Variants in NEMP2 observed in about 807,000 individuals in gnomAD.
NEMP2 encodes the protein UPF0571 transmembrane protein.
NEMP2 carries 53 observed loss-of-function variants against 54.2 expected under a neutral mutation model. That is an observed-to-expected ratio of 0.98 (90% CI 0.78 to 1.23). NEMP2 has a LOEUF of 1.23. NEMP2 is among the 50% of genes most tolerant of loss of function. The pLI is 0.00. For missense variants in NEMP2, 455 were observed against 511.3 expected (o/e 0.89, Z 1.06); for synonymous variants, 197 against 190.3 (o/e 1.04, Z -0.29).
the NEMP2 span, among the ~76,000 whole-genome samples, chr2:190,486,339 G>T: frequency 6.6e-6 from 1 of 152,192 alleles, no homozygotes; most frequent in East Asian, 1.9e-4. Flanking sequence ...ATGTTTTGCT[G>T]ATCAGTACTC....
chr2:190,463,858 A>G, the NEMP2 span: 1 of 980,404 alleles, frequency 1.0e-6, no homozygotes, highest in Non-Finnish European at 1.2e-6. This position sits in a 1 kb window ranked among gnomAD's most constrained non-coding sequence, Gnocchi z 4.4. Flanking sequence ...TAAAAAGCTG[A>G]GAATGATGGA....
At chr2:190,617,353 G>A in the NEMP2 span, among the ~76,000 whole-genome samples, 1 of 151,960 alleles carries the variant, frequency 6.6e-6, no homozygotes, top group African/African-American at 2.4e-5. This position sits in a 1 kb window ranked among gnomAD's most constrained non-coding sequence, Gnocchi z 5.0. Flanking sequence ...TTCTTGAAAA[G>A]GTCTTATCTA....
the NEMP2 span, chr2:190,607,831 G>A: frequency 6.6e-6 from 1 of 152,114 alleles, no homozygotes; most frequent in Non-Finnish European, 1.5e-5. The surrounding 1 kb of genome is among the most constrained non-coding windows in gnomAD (Gnocchi z 5.2). Flanking sequence ...GTTGACTCAT[G>A]CTTCTGATAG....
At chr2:190,431,901 A>G in the NEMP2 span, among the ~76,000 whole-genome samples, 3 of 152,210 alleles carry the variant, frequency 2.0e-5, no homozygotes, top group East Asian at 5.8e-4. This position sits in a 1 kb window ranked among gnomAD's most constrained non-coding sequence, Gnocchi z 4.4. Context: ...TTCTTTAAAA[A>G]TATACATTAT....
chr2:190,559,935 G>A, the NEMP2 span, among the ~76,000 whole-genome samples: 1 of 152,184 alleles, frequency 6.6e-6, no homozygotes, highest in Non-Finnish European at 1.5e-5. The surrounding 1 kb of genome is among the most constrained non-coding windows in gnomAD (Gnocchi z 4.0). Flanking sequence ...CTAAAAGGAG[G>A]AGGTGAGTGA....
chr2:190,504,224 T>G (rs907396396), downstream of NEMP2: 1 of 152,176 alleles, frequency 6.6e-6, no homozygotes, highest in African/African-American at 2.4e-5. The surrounding 1 kb of genome is among the most constrained non-coding windows in gnomAD (Gnocchi z 5.6). Flanking sequence ...ATGTAACAGG[T>G]TGATGTTTAA....
At chr2:190,443,061 A>G in the NEMP2 span, 1 of 152,178 alleles carries the variant, frequency 6.6e-6, no homozygotes. The surrounding 1 kb of genome is among the most constrained non-coding windows in gnomAD (Gnocchi z 4.2). Context: ...TCATTATGGT[A>G]TTACCGTAAC....
chr2:190,470,582 G>C, the NEMP2 span, among the ~76,000 whole-genome samples: 47 of 152,226 alleles, frequency 3.1e-4, 2 homozygotes, highest in Non-Finnish European at 2.9e-5. Flanking sequence ...CTGGAGTTGA[G>C]TGACGGTCCA....
the NEMP2 span, among the ~76,000 whole-genome samples, chr2:190,630,263 C>T: frequency 6.6e-6 from 1 of 152,240 alleles, no homozygotes; most frequent in East Asian, 1.9e-4. This position sits in a 1 kb window ranked among gnomAD's most constrained non-coding sequence, Gnocchi z 5.5. Context: ...GATGGAGTCT[C>T]GCTCTGTTGC....
chr2:190,587,601 G>A, the NEMP2 span, among the ~76,000 whole-genome samples: 1 of 152,152 alleles, frequency 6.6e-6, no homozygotes, highest in Non-Finnish European at 1.5e-5. The surrounding 1 kb of genome is among the most constrained non-coding windows in gnomAD (Gnocchi z 5.4). Flanking sequence ...TGGCTTTCTG[G>A]AAGAGGAAAG....
the NEMP2 span, among the ~76,000 whole-genome samples, chr2:190,430,298 G>T: frequency 1.3e-5 from 2 of 150,816 alleles, no homozygotes; most frequent in Non-Finnish European, 2.9e-5. Context: ...GGGAAGGTCA[G>T]CAGATAAACA....
In NEMP2 at chr2:190,531,132, T is replaced by A. The variant is rs975662869; in HGVS notation, c.97+3427A>T. Among the ~76,000 whole-genome samples, 5 of 152,220 alleles carry A rather than the reference T, an allele frequency of 3.3e-5. No homozygotes were observed. Among genetic ancestry groups the A allele is most frequent in the South Asian group, 2.1e-4 (1 of 4,830 alleles). Reference sequence around the variant, plus strand: ...ATGAAACAGAATTTCTAGGAATTTTTAAAAATCTAACAATAATCATTCATT... The same window carrying A: ...ATGAAACAGAATTTCTAGGAATTTTAAAAAATCTAACAATAATCATTCATT... On this transcript the variant is annotated intron_variant, in intron 1 of 8. Transcript: ENST00000409150. This position sits in a 1 kb window ranked among gnomAD's most constrained non-coding sequence, Gnocchi z 4.7.
At chr2:190,563,866 C>T in the NEMP2 span, among the ~76,000 whole-genome samples, 1 of 152,224 alleles carries the variant, frequency 6.6e-6, no homozygotes, top group Non-Finnish European at 1.5e-5. This position sits in a 1 kb window ranked among gnomAD's most constrained non-coding sequence, Gnocchi z 4.3. Context: ...TCATCAAAGC[C>T]CTGCCAAGGC....
At chr2:190,437,145 C>T in the NEMP2 span, 1 of 1,614,258 alleles carries the variant, frequency 6.2e-7, no homozygotes, top group Non-Finnish European at 8.5e-7. The surrounding 1 kb of genome is among the most constrained non-coding windows in gnomAD (Gnocchi z 5.9). Context: ...AGATCGTCTT[C>T]ATCGTCTTCG....
the NEMP2 span, among the ~76,000 whole-genome samples, chr2:190,635,390 T>G: frequency 2.6e-5 from 4 of 152,176 alleles, no homozygotes; most frequent in Non-Finnish European, 4.4e-5. The surrounding 1 kb of genome is among the most constrained non-coding windows in gnomAD (Gnocchi z 4.1). Flanking sequence ...GCTAATTTTA[T>G]TTTTTGTAGA....
chr2:190,537,054 A>G (rs1691399439), upstream of NEMP2, among the ~76,000 whole-genome samples: 1 of 152,224 alleles, frequency 6.6e-6, no homozygotes, highest in East Asian at 1.9e-4. Context: ...CAGATTCAGA[A>G]ATGACCCATA....
At chr2:190,638,286 T>A in the NEMP2 span, among the ~76,000 whole-genome samples, 1 of 152,156 alleles carries the variant, frequency 6.6e-6, no homozygotes, top group East Asian at 1.9e-4. The surrounding 1 kb of genome is among the most constrained non-coding windows in gnomAD (Gnocchi z 5.7). Context: ...TCTCTGAGTA[T>A]CCATTCTGCT....
chr2:190,600,678 C>G, the NEMP2 span, among the ~76,000 whole-genome samples: 1 of 152,150 alleles, frequency 6.6e-6, no homozygotes, highest in Non-Finnish European at 1.5e-5. This position sits in a 1 kb window ranked among gnomAD's most constrained non-coding sequence, Gnocchi z 4.9. Flanking sequence ...GCCCCCTTTT[C>G]ACCTTTTGCC....
rs929038285 is a variant in NEMP2, at chr2:190,510,839, C to A, written c.954-302G>T. On this transcript the variant is annotated intron_variant, in intron 7 of 8. Transcript: ENST00000409150. The surrounding 1 kb of genome is among the most constrained non-coding windows in gnomAD (Gnocchi z 5.7). The stretch of plus-strand genomic sequence containing the variant: ...GAGGTTGCAGTAAGCCGAGATCGCG[C>A]CACTGCACTCCAGCCTGGGCGACAG... Among the ~76,000 whole-genome samples, 3 of 151,362 alleles carry A rather than the reference C, an allele frequency of 2.0e-5. No homozygotes were observed. Among genetic ancestry groups the A allele is most frequent in the Non-Finnish European group, 4.4e-5 (3 of 67,894 alleles).
Sources: allele counts gnomAD v4.1 joint callset (sites outside exome capture counted in the v4.1 genomes callset), GRCh38; gene constraint gnomAD v4.1.1; non-coding constraint Gnocchi (gnomAD v3.1); transcripts MANE v1.5; gene names NCBI Gene and HGNC (gene_info 2026-07-23, HGNC 2026-07-21).